The following TNR variants were observed in gnomAD, a reference collection of about 807,000 sequenced individuals.
TNR encodes tenascin-R.
TNR carries 45 observed loss-of-function variants against 150.4 expected under a neutral mutation model. The ratio of observed to expected loss-of-function variants is 0.30; its 90% confidence interval spans 0.24 to 0.38. The LOEUF is 0.38. TNR is among the 10% of genes least tolerant of loss of function. TNR has a pLI of 1.00. For synonymous variants in TNR, 687 were observed against 678.4 expected, an observed-to-expected ratio of 1.01 and a Z score of -0.20; for missense variants, 1,544 against 1,759.1, an observed-to-expected ratio of 0.88 and a Z score of 2.19.
chr1:175,474,419 A>G (rs558160796), intron 2 of TNR, among the ~76,000 whole-genome samples: 18 of 152,306 alleles, frequency 1.2e-4, no homozygotes, highest in African/African-American at 4.3e-4. Context: ...AACCAAGCAG[A>G]GAGGCCTCAG....
chr1:175,540,725 T>C (rs1238605683), intron 1 of TNR, among the ~76,000 whole-genome samples: 2 of 152,026 alleles, frequency 1.3e-5, no homozygotes, highest in African/African-American at 2.4e-5. Context: ...GGTAGCCACT[T>C]CTCTCAGCCC....
chr1:175,333,942 T>G (rs1650085466), intron 20 of TNR, among the ~76,000 whole-genome samples: 1 of 152,128 alleles, frequency 6.6e-6, no homozygotes, highest in East Asian at 1.9e-4. Flanking sequence ...TCGGGGGTTT[T>G]GCATGTGTGG....
chr1:175,698,846 G>A (rs1236772568), intron 1 of TNR, among the ~76,000 whole-genome samples: 1 of 151,906 alleles, frequency 6.6e-6, no homozygotes, highest in Non-Finnish European at 1.5e-5. Context: ...GGTGCTGGCA[G>A]TGACGGGAGG....
At position 175,335,650 on chromosome 1, in the gene TNR, GGA is replaced by G. The variant is rs370724589; in HGVS notation, c.3631+59_3631+60del. On this transcript the variant is annotated intron_variant, in intron 20 of 22. Coordinates refer to ENST00000367674, the MANE Select transcript of TNR (RefSeq NM_003285.3). ...TGATAATCTCAGATGGACACAAAAA[GGA>G]GAGAGATGGACAAAAAGCCAGAGAA... 5.3e-4 allele frequency: 795 copies of G among 1,499,162 alleles called. 3 individuals are homozygous for G. The African/African-American group carries it at 9.8e-3, about 18-fold the overall frequency. 92.9% of individuals were successfully genotyped at this position (1,499,162 alleles called of 1,614,324 possible). A position where few individuals can be genotyped will look rare whatever the true frequency, so the allele number is the denominator to read the frequency against.
chr1:175,514,426 C>T (rs1426380298), intron 2 of TNR, among the ~76,000 whole-genome samples: 2 of 152,174 alleles, frequency 1.3e-5, no homozygotes, highest in Non-Finnish European at 2.9e-5. Flanking sequence ...CTGTGTCTGA[C>T]CTACAGAGCA....
intron 2 of TNR, among the ~76,000 whole-genome samples, chr1:175,430,311 T>C (rs956373380): frequency 6.6e-6 from 1 of 152,154 alleles, no homozygotes; most frequent in Non-Finnish European, 1.5e-5. Context: ...AGAAAGAAAT[T>C]GCTGAATGGT....
intron 1 of TNR, among the ~76,000 whole-genome samples, chr1:175,653,090 C>A (rs1424664620): frequency 1.3e-5 from 2 of 152,144 alleles, no homozygotes; most frequent in Non-Finnish European, 2.9e-5. Flanking sequence ...AAGGGCACAG[C>A]GACTCTGGAG....
rs570672038 is a variant in TNR, at chr1:175,619,717, G to A, written c.-164-91348C>T. 3.9e-5 allele frequency among the ~76,000 whole-genome samples: 6 copies of A among 152,242 alleles called. No homozygotes were observed. In the East Asian group the frequency reaches 7.7e-4, roughly 20 times the overall value. ...CACTTGTTCCCAAGACCCAATACTCGCCAGAGCAGAGCCAGGAAAAGTACC... is the reference window on the plus strand; with the variant it reads ...CACTTGTTCCCAAGACCCAATACTCACCAGAGCAGAGCCAGGAAAAGTACC... On this transcript the variant is annotated intron_variant, in intron 1 of 22. Coordinates refer to ENST00000367674, the MANE Select transcript of TNR (RefSeq NM_003285.3).
chr1:175,354,183 G>A (rs1385966941), intron 18 of TNR, among the ~76,000 whole-genome samples: 7 of 152,304 alleles, frequency 4.6e-5, no homozygotes, highest in African/African-American at 1.4e-4. Context: ...TAATTGGTCC[G>A]GGTGGATCAG....
At chr1:175,535,890 A>G (rs1391972116) in intron 1 of TNR, among the ~76,000 whole-genome samples, 1 of 152,218 alleles carries the variant, frequency 6.6e-6, no homozygotes, top group African/African-American at 2.4e-5. Context: ...AAAATTTAGC[A>G]GCTCCTCTAA....
At chr1:175,473,093 G>A (rs1657369944) in intron 2 of TNR, among the ~76,000 whole-genome samples, 1 of 152,180 alleles carries the variant, frequency 6.6e-6, no homozygotes, top group African/African-American at 2.4e-5. Flanking sequence ...TAGCATTTAA[G>A]CCCCACTTGC....
chr1:175,476,034 G>A (rs1230067828), intron 2 of TNR, among the ~76,000 whole-genome samples: 1 of 152,204 alleles, frequency 6.6e-6, no homozygotes, highest in African/African-American at 2.4e-5. Context: ...AGCAAACGCA[G>A]CCCAAATTGG....
intron 8 of TNR, among the ~76,000 whole-genome samples, chr1:175,384,456 G>T (rs1652834999): frequency 6.6e-6 from 1 of 152,186 alleles, no homozygotes; most frequent in Non-Finnish European, 1.5e-5. Context: ...GTGGCATCTG[G>T]CCCAGGCACT....
chr1:175,353,976 G>A (rs1433329181), intron 18 of TNR, among the ~76,000 whole-genome samples: 2 of 151,922 alleles, frequency 1.3e-5, no homozygotes, highest in Admixed American at 1.3e-4. Flanking sequence ...CTCCTGAGTA[G>A]CTGGGATTAC....
At chr1:175,584,664 C>A (rs546837950) in intron 1 of TNR, among the ~76,000 whole-genome samples, 3 of 152,166 alleles carry the variant, frequency 2.0e-5, no homozygotes, top group African/African-American at 7.2e-5. Flanking sequence ...CTTTATGACT[C>A]TGGGCTCAAG....
intron 1 of TNR, among the ~76,000 whole-genome samples, chr1:175,719,946 C>G (rs1055379020): frequency 1.3e-5 from 2 of 152,216 alleles, no homozygotes; most frequent in Non-Finnish European, 2.9e-5. Context: ...GGCAGGCGTG[C>G]CTGCCAGGCA....
intron 17 of TNR, 101 bp from the exon 18 acceptor site, chr1:175,354,624 G>A: frequency 1.4e-6 from 2 of 1,460,030 alleles, no homozygotes; most frequent in Non-Finnish European, 9.4e-7. Flanking sequence ...AGCTAGGTCA[G>A]TATTGCAATG....
chr1:175,517,777 T>A (rs1659473262), intron 2 of TNR, among the ~76,000 whole-genome samples: 3 of 152,216 alleles, frequency 2.0e-5, no homozygotes, highest in African/African-American at 7.2e-5. Context: ...CTGACTCTGA[T>A]CCCTTTATTT....
chr1:175,652,432 T>G (rs1024981120), intron 1 of TNR, among the ~76,000 whole-genome samples: 1 of 151,954 alleles, frequency 6.6e-6, no homozygotes, highest in Non-Finnish European at 1.5e-5. Flanking sequence ...GAAGTTACTA[T>G]CTGTATTTAA....
Sources: allele counts gnomAD v4.1 joint callset (sites outside exome capture counted in the v4.1 genomes callset), GRCh38; gene constraint gnomAD v4.1.1; transcripts MANE v1.5; gene names NCBI Gene and HGNC (gene_info 2026-07-23, HGNC 2026-07-21).